RGPD1: variants seen among roughly 807,000 people sequenced by gnomAD.
RGPD1 encodes RANBP2 like and GRIP domain containing 1.
A neutral mutation model predicts 40.6 loss-of-function variants in RGPD1; 7 were observed. The ratio of observed to expected loss-of-function variants is 0.17; its 90% CI spans 0.10 to 0.32. The LOEUF is 0.32. Among genes scored for constraint, RGPD1 ranks in the 10% least tolerant of loss-of-function variants. RGPD1 has a pLI of 1.00. For synonymous variants in RGPD1, 24 were observed against 167.0 expected (o/e 0.14, Z 6.60); for missense variants, 50 against 472.5 (o/e 0.11, Z 8.29).
chr2:87,013,491 A>G lies in RGPD1; in HGVS notation c.*944A>G, dbSNP rs1416202490. 7.0e-6 allele frequency: 1 copy of G among 142,582 alleles called. No homozygotes were observed. Among genetic ancestry groups the G allele is most frequent in the Non-Finnish European group, 1.4e-5 (1 of 71,924 alleles). The allele number at this position is 142,582 out of a possible 1,614,324, so 8.8% of individuals were successfully genotyped here. The stretch of plus-strand genomic sequence containing the variant: ...TGAGATCACTTGATGATACATGGAT[A>G]CATGTTACATACATGATGAGACAGA... On this transcript the variant is annotated 3_prime_UTR_variant, in exon 23 of 23. Transcript: ENST00000641458.
At position 86,986,727 on chromosome 2, in the gene RGPD1, C is replaced by T; in HGVS notation, c.3828C>T (p.Arg1276=). 1 of 1,131,006 alleles carries T rather than the reference C, an allele frequency of 8.8e-7. No individual in the cohort carries two copies. 70.1% of individuals were successfully genotyped at this position (1,131,006 alleles called of 1,614,324 possible). A position where few individuals can be genotyped will look rare whatever the true frequency, so the allele number is the denominator to read the frequency against. Reference sequence around the variant, plus strand: ...GCCCTGTGAGAAAAAATATTTTCCGCTTTGATGAGTCAACAACAGGATTTA... The same window carrying T: ...GCCCTGTGAGAAAAAATATTTTCCGTTTTGATGAGTCAACAACAGGATTTA... ...ASSPVRKNIF[R]FDESTTGFNF... The change falls in exon 20 of 23, where the codon CGC becomes CGT. Residue 1276 remains arginine, a synonymous_variant. Coordinates refer to ENST00000641458, the MANE Select transcript of RGPD1 (RefSeq NM_001382344.1).
intron 1 of RGPD1, among the ~76,000 whole-genome samples, chr2:86,928,640 G>A (rs1678679259): frequency 6.6e-6 from 1 of 152,208 alleles, no homozygotes. Flanking sequence ...GTGGCTGGAT[G>A]TGGACAATGG....
intron 1 of RGPD1, among the ~76,000 whole-genome samples, chr2:86,943,737 G>T (rs555169726): frequency 2.0e-5 from 3 of 152,190 alleles, no homozygotes; most frequent in African/African-American, 7.2e-5. Context: ...TTGGCGGGGC[G>T]CAGTGGCTCA....
At chr2:86,914,321 T>G (rs1194727864) in intron 1 of RGPD1, among the ~76,000 whole-genome samples, 4 of 19,350 alleles carry the variant, frequency 2.1e-4, no homozygotes, top group Non-Finnish European at 2.8e-4. Flanking sequence ...GGCGGCGGCC[T>G]CGGCCTGGCC....
At chr2:86,918,109 C>T (rs1023395653) in intron 1 of RGPD1, among the ~76,000 whole-genome samples, 2 of 150,512 alleles carry the variant, frequency 1.3e-5, no homozygotes, top group African/African-American at 4.9e-5. Context: ...ACACATATTG[C>T]TTAGGATGTG....
chr2:86,941,934 A>G (rs1189429968), upstream of RGPD1, among the ~76,000 whole-genome samples: 3 of 151,640 alleles, frequency 2.0e-5, no homozygotes, highest in Non-Finnish European at 4.4e-5. Flanking sequence ...CTGGTCTCCA[A>G]CTCATGACCT....
intron 20 of RGPD1, among the ~76,000 whole-genome samples, chr2:86,992,090 A>AAT (rs912874196): frequency 2.6e-4 from 3 of 11,372 alleles, no homozygotes; most frequent in Non-Finnish European, 3.8e-4. Context: ...CATCTCTATT[A>AAT]AAAGTACAAA....
intron 1 of RGPD1, among the ~76,000 whole-genome samples, chr2:86,920,466 G>T (rs1339790239): frequency 7.0e-6 from 1 of 142,614 alleles, no homozygotes; most frequent in African/African-American, 2.6e-5. Context: ...ATAGAAACTG[G>T]ATTTCTACAT....
chr2:86,938,683 G>A (rs1406782067), upstream of RGPD1, among the ~76,000 whole-genome samples: 2 of 149,972 alleles, frequency 1.3e-5, no homozygotes, highest in African/African-American at 2.5e-5. Context: ...CTAGGCAAAA[G>A]TTTTGATGGC....
intron 22 of RGPD1, among the ~76,000 whole-genome samples, chr2:87,010,920 A>G (rs1458534430): frequency 1.0e-5 from 1 of 98,478 alleles, no homozygotes; most frequent in Non-Finnish European, 2.0e-5. Context: ...AAAAAAAAAA[A>G]AATCAGGTTA....
intron 1 of RGPD1, chr2:86,930,672 C>T (rs1347246004): frequency 1.2e-6 from 2 of 1,610,412 alleles, no homozygotes; most frequent in Middle Eastern, 4.5e-4. Context: ...CACTCCTGGG[C>T]ACAGCTCTCG....
chr2:86,929,728 G>A (rs1383823625), intron 1 of RGPD1, among the ~76,000 whole-genome samples: 2 of 105,204 alleles, frequency 1.9e-5, no homozygotes, highest in East Asian at 3.0e-4. Flanking sequence ...GCTGGTTCAC[G>A]TCTCTTTAAT....
intron 1 of RGPD1, among the ~76,000 whole-genome samples, chr2:86,945,646 G>C (rs927428601): frequency 2.6e-5 from 4 of 151,998 alleles, no homozygotes; most frequent in South Asian, 2.1e-4. Flanking sequence ...AATATTCTTC[G>C]TCTGTAATCC....
intron 1 of RGPD1, among the ~76,000 whole-genome samples, chr2:86,928,320 A>C (rs532897112): frequency 0.011 from 1,625 of 152,306 alleles, 44 homozygotes; most frequent in African/African-American, 0.037. Flanking sequence ...TGAGGAAAAC[A>C]CAAGGGATGT....
chr2:86,935,940 A>G (rs968666058), intron 1 of RGPD1, among the ~76,000 whole-genome samples: 8 of 146,878 alleles, frequency 5.4e-5, no homozygotes, highest in Non-Finnish European at 1.1e-4. Flanking sequence ...TCCATCTTGC[A>G]TTGGATGGGG....
intron 1 of RGPD1, chr2:86,914,013 T>G (rs1389105243): frequency 3.9e-6 from 2 of 509,674 alleles, no homozygotes; most frequent in Admixed American, 3.6e-4. Context: ...GGCCTCGGCC[T>G]GGCCGGGCGG....
intron 1 of RGPD1, among the ~76,000 whole-genome samples, chr2:86,914,114 TCGGCCC>T (rs1677604059): frequency 5.0e-5 from 2 of 39,862 alleles, no homozygotes; most frequent in African/African-American, 4.5e-4. Flanking sequence ...GGCGGCGGCC[TCGGCCC>T]CGGCCTGGCC....
intron 1 of RGPD1, among the ~76,000 whole-genome samples, chr2:86,936,804 A>C (rs199516415): frequency 0.48 from 59,899 of 125,214 alleles, 17,368 homozygotes; most frequent in African/African-American, 0.74. Flanking sequence ...GCATTAAGTT[A>C]TAATTGGTTC....
At chr2:86,944,526 C>T (rs1427469182) in intron 1 of RGPD1, among the ~76,000 whole-genome samples, 2 of 151,894 alleles carry the variant, frequency 1.3e-5, no homozygotes, top group Non-Finnish European at 2.9e-5. Flanking sequence ...CCTCAGTCTC[C>T]CGAGTAGTTG....
Sources: gnomAD v4.1 joint callset for allele counts (sites outside exome capture counted in the v4.1 genomes callset) on GRCh38, gnomAD v4.1.1 for gene constraint, MANE v1.5 for transcripts, NCBI Gene and HGNC (gene_info 2026-07-23, HGNC 2026-07-21) for gene names.